MAP2K5: variants seen among roughly 807,000 people sequenced by gnomAD.
MAP2K5 encodes dual specificity mitogen-activated protein kinase kinase 5.
In MAP2K5, 49 loss-of-function variants were observed where a neutral mutation model predicts 83.1. The ratio of observed to expected loss-of-function variants is 0.59; its 90% CI spans 0.47 to 0.75. The LOEUF is 0.75. Among genes scored for constraint, MAP2K5 ranks in the 30% least tolerant of loss-of-function variants. MAP2K5 has a pLI of 0.00. For missense variants in MAP2K5, 457 were observed against 557.5 expected (o/e 0.82, Z 1.82); for synonymous variants, 202 against 191.8 (o/e 1.05, Z -0.44).
intron 16 of MAP2K5, among the ~76,000 whole-genome samples, chr15:67,714,947 C>A (rs1215550749): frequency 6.6e-6 from 1 of 152,166 alleles, no homozygotes; most frequent in African/African-American, 2.4e-5. Context: ...TGTTCAGTCT[C>A]CTGATCCAAC....
Position 67,724,387 on chromosome 15 carries a change from T to TTTA in MAP2K5, c.1045-3527_1045-3526insATT, listed in dbSNP as rs2089042444. On this transcript the variant is annotated intron_variant, in intron 16 of 21. Transcript: ENST00000178640. This position sits in a 1 kb window ranked among gnomAD's most constrained non-coding sequence, Gnocchi z 4.4. ...ACAGCCTCGTGGAGAACTCGTTCTT[T>TTTA]TTTATTTATTTATTTATTTATTTTT... Among the ~76,000 whole-genome samples, 1 of 151,924 alleles carries TTTA rather than the reference T, an allele frequency of 6.6e-6. No homozygotes were observed.
rs180783810 is a variant in MAP2K5, at chr15:67,720,191, G to A, written c.1045-7725G>A. Among the ~76,000 whole-genome samples, 1 of 152,030 alleles carries A rather than the reference G, an allele frequency of 6.6e-6. No individual in the cohort carries two copies. The highest frequency in any genetic ancestry group is 1.9e-4 in the East Asian group (1 of 5,182). On this transcript the variant is annotated intron_variant, in intron 16 of 21. Transcript: ENST00000178640. This position sits in a 1 kb window ranked among gnomAD's most constrained non-coding sequence, Gnocchi z 5.7. ...ATCTAACCAAAAAGTTACTCAGCTA[G>A]GGTTTTTGGTTTAATGTAGTATAGA...
chr15:67,633,374 G>T (rs540684487), intron 9 of MAP2K5, among the ~76,000 whole-genome samples: 2 of 152,134 alleles, frequency 1.3e-5, no homozygotes, highest in Non-Finnish European at 2.9e-5. Flanking sequence ...GTTATAAATC[G>T]TCTAGAAATC....
chr15:67,695,001 TTG>T (rs2141205417), intron 15 of MAP2K5, among the ~76,000 whole-genome samples: 2 of 151,544 alleles, frequency 1.3e-5, no homozygotes, highest in South Asian at 2.1e-4. Context: ...CAGTAAACTA[TTG>T]CAAGAACAAA....
intron 13 of MAP2K5, among the ~76,000 whole-genome samples, chr15:67,680,651 T>G (rs899947435): frequency 1.6e-4 from 24 of 152,242 alleles, no homozygotes; most frequent in Admixed American, 6.5e-5. Flanking sequence ...TCACTGATAT[T>G]TTTCTAATAA....
At chr15:67,597,478 TAA>T (rs2085553204) in intron 7 of MAP2K5, among the ~76,000 whole-genome samples, 1 of 152,212 alleles carries the variant, frequency 6.6e-6, no homozygotes, top group Non-Finnish European at 1.5e-5. Context: ...GTAACTTAAG[TAA>T]AGTGGACTAA....
chr15:67,570,890 A>G (rs2084934900), intron 3 of MAP2K5, among the ~76,000 whole-genome samples: 2 of 152,226 alleles, frequency 1.3e-5, no homozygotes, highest in East Asian at 3.8e-4. Context: ...CAGCATGAGT[A>G]TTCCTTATAA....
At chr15:67,549,238 G>T (rs897143947) in intron 1 of MAP2K5, 12 of 1,472,940 alleles carry the variant, frequency 8.1e-6, no homozygotes, top group Non-Finnish European at 1.0e-5. Context: ...CAATTAAGCT[G>T]TCTCAGTATA....
In MAP2K5 at chr15:67,748,607, G is replaced by T. The variant is rs372053169; in HGVS notation, c.1134+6G>T. 1.5e-4 allele frequency: 248 copies of T among 1,613,226 alleles called. No individual in the cohort carries two copies. The highest frequency in any genetic ancestry group is 3.5e-4 in the Admixed American group (21 of 59,970). ...TGCAGTGCATTGTTGATGAGGTGAG[G>T]CATCGTCTTATGTGCTTTCACTCCT... On this transcript the variant is annotated splice_donor_region_variant and intron_variant, in intron 19 of 21. Transcript: ENST00000178640. This position sits in a 1 kb window ranked among gnomAD's most constrained non-coding sequence, Gnocchi z 4.0.
chr15:67,766,677 C>T (rs2090047836), intron 19 of MAP2K5, among the ~76,000 whole-genome samples: 1 of 152,228 alleles, frequency 6.6e-6, no homozygotes. Flanking sequence ...AGATCTTTCA[C>T]ATCCTGATCA....
intron 12 of MAP2K5, among the ~76,000 whole-genome samples, chr15:67,660,292 T>G (rs1167458055): frequency 6.6e-6 from 1 of 152,068 alleles, no homozygotes; most frequent in African/African-American, 2.4e-5. Context: ...GTGTTTTTTT[T>G]GTATGTTTCC....
rs866737983 is a variant in MAP2K5, at chr15:67,719,242, G to A, written c.1045-8674G>A. Among the ~76,000 whole-genome samples, 4 of 152,186 alleles carry A rather than the reference G, an allele frequency of 2.6e-5. No homozygotes were observed. Among genetic ancestry groups the A allele is most frequent in the Non-Finnish European group, 4.4e-5 (3 of 68,044 alleles). ...TACTGATCAGTCTAAGCAGTGATAC[G>A]TAAGAGGGCCTTGTCGGTTAAGACC... On this transcript the variant is annotated intron_variant, in intron 16 of 21. Coordinates refer to ENST00000178640, the MANE Select transcript of MAP2K5 (RefSeq NM_145160.3). The surrounding 1 kb of genome is among the most constrained non-coding windows in gnomAD (Gnocchi z 4.6).
At chr15:67,752,287 G>A (rs1289034329) in intron 19 of MAP2K5, among the ~76,000 whole-genome samples, 1 of 151,654 alleles carries the variant, frequency 6.6e-6, no homozygotes, top group Non-Finnish European at 1.5e-5. Context: ...GGCTGTTCTC[G>A]AACTCCTGAC....
At chr15:67,763,525 C>T (rs1029564994) in intron 19 of MAP2K5, among the ~76,000 whole-genome samples, 3 of 152,106 alleles carry the variant, frequency 2.0e-5, no homozygotes, top group Non-Finnish European at 2.9e-5. Flanking sequence ...TAAAATATAG[C>T]TGATTTCCCA....
rs1005111065 is a variant in MAP2K5 at position 67,738,196 on chromosome 15, G to C, written c.1075-10035G>C. Among the ~76,000 whole-genome samples the C allele has an allele frequency of 6.6e-6, 1 of 152,174 alleles. No homozygotes were observed. ...AAGAAGCTATTGGCCTACAGGTTCA[G>C]AGGAGGAGAGACCAAAGGGGTAATG... On this transcript the variant is annotated intron_variant, in intron 17 of 21. Coordinates refer to ENST00000178640, the MANE Select transcript of MAP2K5 (RefSeq NM_145160.3). This position sits in a 1 kb window ranked among gnomAD's most constrained non-coding sequence, Gnocchi z 4.1.
chr15:67,683,087 G>A (rs1289325233), intron 13 of MAP2K5, among the ~76,000 whole-genome samples: 9 of 152,130 alleles, frequency 5.9e-5, no homozygotes, highest in East Asian at 3.9e-4. Flanking sequence ...GTTGCAGTGC[G>A]CTGAGATTGG....
In MAP2K5 at chr15:67,777,287, A is replaced by T. The variant is rs2090256153; in HGVS notation, c.1242+4535A>T. On this transcript the variant is annotated intron_variant, in intron 21 of 21. Coordinates refer to ENST00000178640, the MANE Select transcript of MAP2K5 (RefSeq NM_145160.3). The surrounding 1 kb of genome is among the most constrained non-coding windows in gnomAD (Gnocchi z 6.0). ...AACGGGGAAGGTGTGGGCTGTGGGC[A>T]CCCACACAGTTACAATTTGGGCTCA... is the stretch of plus-strand genomic sequence containing the variant. Among the ~76,000 whole-genome samples, 1 of 152,134 alleles carries T rather than the reference A, an allele frequency of 6.6e-6. No homozygotes were observed. The highest frequency in any genetic ancestry group is 6.5e-5 in the Admixed American group (1 of 15,284).
intron 21 of MAP2K5, among the ~76,000 whole-genome samples, chr15:67,799,668 T>C (rs1434223232): frequency 6.6e-6 from 1 of 152,250 alleles, no homozygotes; most frequent in East Asian, 1.9e-4. Flanking sequence ...TCCTGCAGGC[T>C]TAGAGCCTGC....
intron 19 of MAP2K5, among the ~76,000 whole-genome samples, chr15:67,766,588 G>A (rs2141296603): frequency 6.6e-6 from 1 of 152,314 alleles, no homozygotes; most frequent in East Asian, 1.9e-4. Context: ...GTGAGCTACA[G>A]TGAAACTGGA....
Sources: allele counts gnomAD v4.1 joint callset (sites outside exome capture counted in the v4.1 genomes callset), GRCh38; gene constraint gnomAD v4.1.1; non-coding constraint Gnocchi (gnomAD v3.1); transcripts MANE v1.5; gene names NCBI Gene and HGNC (gene_info 2026-07-23, HGNC 2026-07-21).